The following RPS6KC1 variants were observed in gnomAD, a reference collection of about 807,000 sequenced individuals.
The protein encoded by RPS6KC1 is inactive ribosomal protein S6 kinase delta-1.
A neutral mutation model predicts 103.8 loss-of-function variants in RPS6KC1; 54 were observed. That is an observed-to-expected ratio of 0.52 (90% CI 0.42 to 0.65). RPS6KC1 has a LOEUF of 0.65. Among genes scored for constraint, RPS6KC1 ranks in the 30% least tolerant of loss-of-function variants. RPS6KC1 has a pLI of 0.00. For missense variants in RPS6KC1, 1,151 were observed against 1,253.8 expected (o/e 0.92, Z 1.24); for synonymous variants, 439 against 438.7 (o/e 1.00, Z -0.01).
the RPS6KC1 span, among the ~76,000 whole-genome samples, chr1:213,701,163 CTTAT>C: frequency 0.01 from 1,555 of 151,950 alleles, 23 homozygotes; most frequent in African/African-American, 0.036. Context: ...TTAGTTTTTC[CTTAT>C]TTGGTGTGAT....
At chr1:213,527,881 A>G in the RPS6KC1 span, among the ~76,000 whole-genome samples, 1 of 152,188 alleles carries the variant, frequency 6.6e-6, no homozygotes, top group South Asian at 2.1e-4. Flanking sequence ...GTTATATACC[A>G]TGCTCTTATA....
At position 213,261,541 on chromosome 1, in the gene RPS6KC1, T is replaced by A. The variant is rs1174597520; in HGVS notation, c.2912-17T>A. On this transcript the variant is annotated splice_polypyrimidine_tract_variant and intron_variant, in intron 12 of 14. Coordinates refer to ENST00000366960, the MANE Select transcript of RPS6KC1 (RefSeq NM_012424.6). ...GACCTTTGGAATTTTAATATCAACC[T>A]TTTTTGGTGTGGTTAGAGGTTGGAG... The A allele has an allele frequency of 1.2e-6, 2 of 1,607,312 alleles. No individual in the cohort carries two copies. The highest frequency in any genetic ancestry group is 2.7e-5 in the African/African-American group (2 of 74,726).
Position 213,092,452 on chromosome 1 carries a change from G to A in RPS6KC1, c.263-12002G>A, listed in dbSNP as rs181771027. On this transcript the variant is annotated intron_variant, in intron 3 of 14. Coordinates refer to ENST00000366960, the MANE Select transcript of RPS6KC1 (RefSeq NM_012424.6). The stretch of plus-strand genomic sequence containing the variant: ...TTTGGGAGGCCGAGGCGGGCGGATC[G>A]CAAGGTCAGGAGATCGAGACAATCC... Among the ~76,000 whole-genome samples, 416 of 152,036 alleles carry A rather than the reference G, an allele frequency of 2.7e-3. 4 individuals carry two copies. Among genetic ancestry groups the A allele is most frequent in the African/African-American group, 9.5e-3 (396 of 41,478 alleles).
chr1:213,630,711 T>C, the RPS6KC1 span, among the ~76,000 whole-genome samples: 2 of 152,236 alleles, frequency 1.3e-5, no homozygotes, highest in African/African-American at 4.8e-5. Context: ...TGTGGTTTTA[T>C]CTACCTTTGG....
the RPS6KC1 span, among the ~76,000 whole-genome samples, chr1:213,484,808 C>G: frequency 2.0e-5 from 3 of 152,152 alleles, no homozygotes; most frequent in Non-Finnish European, 4.4e-5. Flanking sequence ...GAAACTGTGA[C>G]AGCAAATGGA....
the RPS6KC1 span, among the ~76,000 whole-genome samples, chr1:213,472,529 G>T: frequency 1.3e-5 from 2 of 152,206 alleles, no homozygotes; most frequent in Non-Finnish European, 2.9e-5. Context: ...AGTGATGTTT[G>T]ATGTTTGTCA....
the RPS6KC1 span, among the ~76,000 whole-genome samples, chr1:213,374,994 T>C: frequency 2.0e-5 from 3 of 151,826 alleles, no homozygotes; most frequent in East Asian, 1.9e-4. Flanking sequence ...CACACACATA[T>C]ACACACATAC....
chr1:213,694,137 T>C, the RPS6KC1 span, among the ~76,000 whole-genome samples: 1 of 152,264 alleles, frequency 6.6e-6, no homozygotes, highest in South Asian at 2.1e-4. Context: ...ATCGGGATTA[T>C]AGTTTGCCTC....
intron 8 of RPS6KC1, among the ~76,000 whole-genome samples, chr1:213,210,937 C>G (rs987264290): frequency 6.6e-6 from 1 of 152,162 alleles, no homozygotes; most frequent in Non-Finnish European, 1.5e-5. Flanking sequence ...TGCCCTGATT[C>G]TATAAACGAG....
the RPS6KC1 span, among the ~76,000 whole-genome samples, chr1:213,643,988 T>C: frequency 1.3e-5 from 2 of 152,084 alleles, no homozygotes; most frequent in Admixed American, 6.6e-5. Flanking sequence ...GAATTTCTTT[T>C]ATACAAAGCA....
At chr1:213,343,416 T>C in the RPS6KC1 span, among the ~76,000 whole-genome samples, 27 of 35,948 alleles carry the variant, frequency 7.5e-4, 1 homozygote, top group African/African-American at 1.7e-3. Flanking sequence ...TATATATATA[T>C]ATATATATAT....
At chr1:213,338,267 A>G in the RPS6KC1 span, among the ~76,000 whole-genome samples, 9 of 152,006 alleles carry the variant, frequency 5.9e-5, no homozygotes, top group Non-Finnish European at 1.2e-4. Context: ...TGATTATCTC[A>G]CTACACCACG....
intron 5 of RPS6KC1, among the ~76,000 whole-genome samples, chr1:213,120,786 CAATGTTCTTT>C (rs2084293108): frequency 6.6e-6 from 1 of 152,086 alleles, no homozygotes; most frequent in Admixed American, 6.6e-5. Flanking sequence ...TCTGCTGTTT[CAATGTTCTTT>C]AGTTACAGTT....
chr1:213,737,049 G>T, the RPS6KC1 span, among the ~76,000 whole-genome samples: 8 of 152,212 alleles, frequency 5.3e-5, no homozygotes, highest in African/African-American at 1.9e-4. Flanking sequence ...CTCCCGGCTT[G>T]CTCATACGTG....
chr1:213,380,151 G>T, the RPS6KC1 span, among the ~76,000 whole-genome samples: 1 of 152,294 alleles, frequency 6.6e-6, no homozygotes, highest in Non-Finnish European at 1.5e-5. Context: ...GCCGCAAAAA[G>T]GAACAAGATC....
chr1:213,794,134 T>G, the RPS6KC1 span, among the ~76,000 whole-genome samples: 1 of 152,190 alleles, frequency 6.6e-6, no homozygotes, highest in Admixed American at 6.5e-5. Context: ...AATGCAACAA[T>G]GCAAATAGGA....
At chr1:213,833,824 G>T in the RPS6KC1 span, among the ~76,000 whole-genome samples, 3 of 152,106 alleles carry the variant, frequency 2.0e-5, no homozygotes, top group Non-Finnish European at 4.4e-5. Flanking sequence ...AGTCAGGGTG[G>T]CCCACTACCA....
chr1:213,491,630 G>A, the RPS6KC1 span, among the ~76,000 whole-genome samples: 1 of 152,314 alleles, frequency 6.6e-6, no homozygotes, highest in East Asian at 1.9e-4. Context: ...GGTGGTTCCA[G>A]GTGAGACTCA....
chr1:213,851,707 G>A, the RPS6KC1 span, among the ~76,000 whole-genome samples: 624 of 152,010 alleles, frequency 4.1e-3, 7 homozygotes, highest in African/African-American at 0.015. Context: ...AAACAACATG[G>A]ACAAAACCCC....
Sources: allele counts gnomAD v4.1 joint callset (sites outside exome capture counted in the v4.1 genomes callset), GRCh38; gene constraint gnomAD v4.1.1; transcripts MANE v1.5; gene names NCBI Gene and HGNC (gene_info 2026-07-23, HGNC 2026-07-21).